The following SNX29 variants were observed in gnomAD, a reference collection of about 807,000 sequenced individuals.
The protein encoded by SNX29 is sorting nexin 29, also known as sorting nexin-29.
A neutral mutation model predicts 102.1 loss-of-function variants in SNX29; 78 were observed. That is an observed-to-expected ratio of 0.76 (90% CI 0.64 to 0.92). The LOEUF (loss-of-function observed/expected upper bound fraction) is 0.92. SNX29 is among the 40% of genes least tolerant of loss of function. The pLI is 0.00. For missense variants in SNX29, 1,280 were observed against 1,061.7 expected, an observed-to-expected ratio of 1.21 and a Z score of -2.86; for synonymous variants, 580 against 414.5, an observed-to-expected ratio of 1.40 and a Z score of -4.85.
chr16:12,545,127 C>G (rs1489498898), intron 20 of SNX29, among the ~76,000 whole-genome samples: 2 of 152,298 alleles, frequency 1.3e-5, no homozygotes, highest in East Asian at 3.9e-4. Context: ...TGAGGCCCCA[C>G]TTACCTAGCA....
intron 20 of SNX29, among the ~76,000 whole-genome samples, chr16:12,562,376 A>G (rs555854296): frequency 1.8e-4 from 25 of 139,632 alleles, no homozygotes; most frequent in African/African-American, 7.1e-4. Context: ...ACCATTTTTT[A>G]AAACAGCTCA....
chr16:12,303,351 G>T (rs2870491), intron 15 of SNX29, among the ~76,000 whole-genome samples: 4,908 of 152,302 alleles, frequency 0.032, 127 homozygotes, highest in African/African-American at 0.062. Context: ...GATATCCATC[G>T]ATAAGAGAGT....
intron 13 of SNX29, among the ~76,000 whole-genome samples, chr16:12,140,665 G>A (rs1015876280): frequency 9.9e-5 from 15 of 152,218 alleles, no homozygotes; most frequent in East Asian, 7.7e-4. Flanking sequence ...GCTGTCTTGC[G>A]CACCCTGTCT....
intron 16 of SNX29, among the ~76,000 whole-genome samples, chr16:12,362,126 A>G (rs752671445): frequency 2.0e-5 from 3 of 152,218 alleles, no homozygotes; most frequent in Non-Finnish European, 4.4e-5. Context: ...ATTGTTGTTC[A>G]TTTTAAGAAC....
intron 13 of SNX29, among the ~76,000 whole-genome samples, chr16:12,144,940 C>T (rs1032956314): frequency 6.6e-6 from 1 of 152,186 alleles, no homozygotes; most frequent in Non-Finnish European, 1.5e-5. Context: ...CCAGGATGGT[C>T]TCTATCTCCT....
chr16:12,441,237 G>A (rs2085795043), intron 18 of SNX29, among the ~76,000 whole-genome samples: 1 of 151,862 alleles, frequency 6.6e-6, no homozygotes, highest in Admixed American at 6.6e-5. Flanking sequence ...ACAGGCGCCT[G>A]CCACTGCACC....
chr16:12,236,284 C>A (rs747827354), intron 14 of SNX29, among the ~76,000 whole-genome samples: 25 of 152,148 alleles, frequency 1.6e-4, no homozygotes, highest in Non-Finnish European at 3.1e-4. Context: ...TTTTCAAAGC[C>A]TTCATTTGAA....
intron 3 of SNX29, among the ~76,000 whole-genome samples, chr16:12,023,966 G>A (rs1166140798): frequency 6.6e-6 from 1 of 152,148 alleles, no homozygotes; most frequent in Non-Finnish European, 1.5e-5. Context: ...CACATTCTCT[G>A]TAGCAACCAG....
rs551905605 is a variant in SNX29 at position 12,569,468 on chromosome 16, G to C, written c.*839G>C. 3 of 231,410 alleles carry C rather than the reference G, an allele frequency of 1.3e-5. No homozygotes were observed. The highest frequency in any genetic ancestry group is 5.7e-5 in the Admixed American group (1 of 17,694). 14.3% of individuals were successfully genotyped at this position (231,410 alleles called of 1,614,324 possible). ...TGGCCCTACAGTCATGAGAGACTTGGGTCAGGGAACCACTGCAGAAGGTTC... is the reference window on the plus strand; with the variant it reads ...TGGCCCTACAGTCATGAGAGACTTGCGTCAGGGAACCACTGCAGAAGGTTC... On this transcript the variant is annotated 3_prime_UTR_variant, in exon 21 of 21. Coordinates refer to ENST00000566228, the MANE Select transcript of SNX29 (RefSeq NM_032167.5).
intron 18 of SNX29, among the ~76,000 whole-genome samples, chr16:12,460,890 C>G (rs2086751623): frequency 6.6e-6 from 1 of 152,162 alleles, no homozygotes; most frequent in African/African-American, 2.4e-5. Flanking sequence ...AACGCCTGAC[C>G]TCAGCCTTCC....
chr16:12,309,322 C>T (rs564006749), intron 15 of SNX29, among the ~76,000 whole-genome samples: 1 of 152,260 alleles, frequency 6.6e-6, no homozygotes, highest in South Asian at 2.1e-4. Flanking sequence ...TATCTAGCCT[C>T]CCAATGCAAC....
chr16:11,976,756 A>C lies in SNX29; in HGVS notation c.-51A>C. ...CCTGTCTGGAGCTCGGCAGCCGCAG[A>C]AGCGGCAGCGGCGGCGGCGCGGCGC... On this transcript the variant is annotated 5_prime_UTR_variant, in exon 1 of 21. Transcript: ENST00000566228. The C allele has an allele frequency of 2.4e-6, 3 of 1,261,340 alleles. No individual in the cohort carries two copies. Among genetic ancestry groups the C allele is most frequent in the Non-Finnish European group, 3.0e-6 (3 of 985,978 alleles). 78.1% of individuals were successfully genotyped at this position (1,261,340 alleles called of 1,614,324 possible). A position where few individuals can be genotyped will look rare whatever the true frequency, so the allele number is the denominator to read the frequency against.
intron 13 of SNX29, among the ~76,000 whole-genome samples, chr16:12,150,710 G>T (rs531325451): frequency 9.2e-5 from 14 of 152,346 alleles, no homozygotes; most frequent in African/African-American, 3.4e-4. Context: ...AGTATCGGGA[G>T]GCCCCAAGTC....
At chr16:12,343,597 G>A (rs1319432283) in intron 15 of SNX29, among the ~76,000 whole-genome samples, 2 of 152,078 alleles carry the variant, frequency 1.3e-5, no homozygotes, top group Non-Finnish European at 2.9e-5. Flanking sequence ...CCCTAGGACG[G>A]GTAGCTGCCT....
chr16:11,988,927 T>C (rs1467345267), intron 1 of SNX29, among the ~76,000 whole-genome samples: 3 of 152,134 alleles, frequency 2.0e-5, no homozygotes, highest in Admixed American at 1.3e-4. Flanking sequence ...GCCTAAAATA[T>C]TTACTGTTTT....
rs1030136997 is a variant in SNX29 at position 12,569,676 on chromosome 16, G to C, written c.*1047G>C. Reference sequence around the variant, plus strand: ...TTCCTCCCATGTCAGGTGGCTCTCAGAGTACAGGGACCTTGGCAGGTGGAG... The same window carrying C: ...TTCCTCCCATGTCAGGTGGCTCTCACAGTACAGGGACCTTGGCAGGTGGAG... On this transcript the variant is annotated 3_prime_UTR_variant, in exon 21 of 21. Coordinates refer to ENST00000566228, the MANE Select transcript of SNX29 (RefSeq NM_032167.5). 1 of 230,108 alleles carries C rather than the reference G, an allele frequency of 4.3e-6. No individual in the cohort carries two copies. The highest frequency in any genetic ancestry group is 2.2e-5 in the African/African-American group (1 of 45,242). 14.3% of individuals were successfully genotyped at this position (230,108 alleles called of 1,614,324 possible).
At chr16:12,294,639 G>A (rs1009060758) in intron 15 of SNX29, among the ~76,000 whole-genome samples, 3 of 152,236 alleles carry the variant, frequency 2.0e-5, no homozygotes, top group South Asian at 2.1e-4. Context: ...GCTCAGCGGG[G>A]AGCACAGTTC....
chr16:12,426,314 C>T (rs899346129), intron 18 of SNX29, among the ~76,000 whole-genome samples: 4 of 152,272 alleles, frequency 2.6e-5, no homozygotes, highest in East Asian at 1.9e-4. Context: ...AGCCTTTAGC[C>T]GGGGCTTGCA....
chr16:12,400,264 C>T (rs1178417138), intron 17 of SNX29, among the ~76,000 whole-genome samples: 2 of 152,226 alleles, frequency 1.3e-5, no homozygotes, highest in Non-Finnish European at 2.9e-5. Flanking sequence ...CCTCTCCCTG[C>T]ACCAGCCATC....
Sources: allele counts gnomAD v4.1 joint callset (sites outside exome capture counted in the v4.1 genomes callset), GRCh38; gene constraint gnomAD v4.1.1; transcripts MANE v1.5; gene names NCBI Gene and HGNC (gene_info 2026-07-23, HGNC 2026-07-21).